Variants in QARS1 observed in about 807,000 individuals in gnomAD.
QARS1 encodes glutaminyl-tRNA synthetase 1.
Under a neutral mutation model 106.9 loss-of-function variants are expected in QARS1, and 79 were observed. That is an observed-to-expected ratio of 0.74 (90% CI 0.62 to 0.89). QARS1 has a LOEUF of 0.89. QARS1 is among the 40% of genes least tolerant of loss of function. The pLI, the probability that QARS1 is intolerant of heterozygous loss-of-function variation, is 0.00. For synonymous variants in QARS1, 395 were observed against 367.7 expected (o/e 1.07, Z -0.85); for missense variants, 966 against 997.2 (o/e 0.97, Z 0.42).
intron 23 of QARS1, among the ~76,000 whole-genome samples, 177 bp downstream of exon 23, chr3:49,097,815 T>C (rs779177375): frequency 6.6e-6 from 1 of 152,114 alleles, no homozygotes; most frequent in Non-Finnish European, 1.5e-5. Context: ...GCAGCCTTCA[T>C]ACAAAATTTT....
Position 49,102,503 on chromosome 3 carries a change from G to C in QARS1, c.517-31C>G, listed in dbSNP as rs774363543. 1.9e-6 allele frequency: 3 copies of C among 1,613,102 alleles called. No individual in the cohort carries two copies. The South Asian group carries it at 3.3e-5, about 18-fold the overall frequency. ...CAGAGACCAGAATCAGGCAGAGGCA[G>C]GAGTATCCTCTTTCAAGGAGCCCCT... On this transcript the variant is annotated intron_variant, in intron 5 of 23. Coordinates refer to ENST00000306125, the MANE Select transcript of QARS1 (RefSeq NM_005051.3).
At position 49,102,841 on chromosome 3, in the gene QARS1, C is replaced by T. The variant is rs150016793; in HGVS notation, c.517-369G>A. On this transcript the variant is annotated intron_variant, in intron 5 of 23. Transcript: ENST00000306125. Reference sequence around the variant, plus strand: ...TACTTTTTGTAGAGATGGGGTTTCACCATGTTGGCCAGGCTGTTCTCAAAC... The same window carrying T: ...TACTTTTTGTAGAGATGGGGTTTCATCATGTTGGCCAGGCTGTTCTCAAAC... The T allele has an allele frequency of 1.5e-3, 524 of 355,078 alleles. 4 individuals carry two copies. Among genetic ancestry groups the T allele is most frequent in the African/African-American group, 0.01 (485 of 47,268 alleles). 22.0% of individuals were successfully genotyped at this position (355,078 alleles called of 1,614,324 possible).
At position 49,099,548 on chromosome 3, in the gene QARS1, C is replaced by CT; in HGVS notation, c.1487dup (p.Arg497GlufsTer17). On this transcript the variant is annotated frameshift_variant, in exon 16 of 24. Coordinates refer to ENST00000306125, the MANE Select transcript of QARS1 (RefSeq NM_005051.3). LOFTEE classifies it high-confidence loss of function. ...TTGCTACAAGCTGGAGGATCTTCCT[C>CT]TTAGAGACAACAGCATAGTGCAGGT... 1 of 1,614,210 alleles carries CT rather than the reference C, an allele frequency of 6.2e-7. No individual in the cohort carries two copies. Among genetic ancestry groups the CT allele is most frequent in the Non-Finnish European group, 8.5e-7 (1 of 1,180,034 alleles).
Position 49,102,214 on chromosome 3 carries a change from C to T in QARS1, c.622G>A (p.Val208Met), listed in dbSNP as rs2107108253. 1 of 1,614,242 alleles carries T rather than the reference C, an allele frequency of 6.2e-7. No individual in the cohort carries two copies. The highest frequency in any genetic ancestry group is 1.1e-5 in the South Asian group (1 of 91,086). ...GTCTCAAGCTTCTCACCATTCTCCA[C>T]CACATCCTTTGCCGTCCTCCGGTCT... ...ETDRRTAKDV[V>M]ENGETADQTL... Residue 208 changes from valine to methionine, a missense_variant, in exon 7 of 24, where the codon GTG becomes ATG. Physicochemically the swap from Val to Met is conservative, Grantham distance 21. Transcript: ENST00000306125.
At chr3:49,101,964 C>T (rs928230395) in intron 7 of QARS1, 65 bp from the exon 8 acceptor site, 1 of 1,520,802 alleles carries the variant, frequency 6.6e-7, no homozygotes, top group Non-Finnish European at 9.0e-7. Context: ...ACAGCCAGAA[C>T]AGAACTGAGT....
intron 2 of QARS1, 47 bp from the exon 3 acceptor site, chr3:49,104,019 G>T: frequency 6.6e-7 from 1 of 1,517,840 alleles, no homozygotes; most frequent in Non-Finnish European, 9.1e-7. Flanking sequence ...GCTCCAAGAA[G>T]TGGACAGACA....
chr3:49,099,070 T>TAC (rs750126991), intron 18 of QARS1, 40 bp downstream of exon 18: 11 of 1,613,718 alleles, frequency 6.8e-6, no homozygotes, highest in South Asian at 1.1e-5. Context: ...TACCCCCAGC[T>TAC]ACACACACAC....
chr3:49,098,323 C>T lies in QARS1; in HGVS notation c.2084+30G>A, dbSNP rs568924851. On this transcript the variant is annotated intron_variant, in intron 21 of 23. Coordinates refer to ENST00000306125, the MANE Select transcript of QARS1 (RefSeq NM_005051.3). ...CATAGCAGGCAATGTGCATCTTGTA[C>T]CTGCCCCCACCCCAGCTCTGTTCAC... 3.7e-5 allele frequency: 59 copies of T among 1,614,188 alleles called. No homozygotes were observed. The East Asian group carries it at 1.3e-3, about 36-fold the overall frequency.
Position 49,100,244 on chromosome 3 carries a change from A to G in QARS1, c.1110T>C (p.Thr370=). 1 of 1,614,248 alleles carries G rather than the reference A, an allele frequency of 6.2e-7. No individual in the cohort carries two copies. Among genetic ancestry groups the G allele is most frequent in the South Asian group, 1.1e-5 (1 of 91,086 alleles). The change falls in exon 13 of 24, where the codon ACT becomes ACC. Residue 370 remains threonine, a synonymous_variant. Coordinates refer to ENST00000306125, the MANE Select transcript of QARS1 (RefSeq NM_005051.3). ...QRGEELKGHN[T]LPSPWRDRPM... ...GACGGTCTCTCCAGGGTGAAGGCAG[A>G]GTATTATGGCCTTTGAGCTCCTCTC... is the stretch of plus-strand genomic sequence containing the variant.
chr3:49,101,507 G>A (rs1012745874), intron 9 of QARS1, 66 bp from the exon 10 acceptor site: 8 of 1,571,814 alleles, frequency 5.1e-6, no homozygotes, highest in African/African-American at 1.4e-5. Context: ...AGAAACAGAT[G>A]TTCCCTCCCA....
intron 7 of QARS1, 54 bp from the exon 8 acceptor site, chr3:49,101,953 T>G: frequency 6.4e-7 from 1 of 1,553,266 alleles, no homozygotes; most frequent in Non-Finnish European, 8.8e-7. Context: ...TACCATATCC[T>G]ACAGCCAGAA....
At chr3:49,098,827 G>T in intron 19 of QARS1, 58 bp downstream of exon 19, 2 of 1,526,212 alleles carry the variant, frequency 1.3e-6, no homozygotes, top group Non-Finnish European at 1.8e-6. Context: ...ATGAGGAGAT[G>T]AAAGGTTCCC....
intron 4 of QARS1, 86 bp from the exon 5 acceptor site, chr3:49,103,495 A>T: frequency 6.3e-7 from 1 of 1,579,422 alleles, no homozygotes; most frequent in Non-Finnish European, 8.7e-7. Context: ...CTGGCTGACC[A>T]CCAGAACCAG....
chr3:49,104,267 G>A (rs2042509131), intron 2 of QARS1, 57 bp downstream of exon 2: 1 of 1,600,276 alleles, frequency 6.2e-7, no homozygotes, highest in Middle Eastern at 1.7e-4. Context: ...GGGAAGACAG[G>A]GGTCTTGGCT....
chr3:49,099,866 G>A lies in QARS1; in HGVS notation c.1296-13C>T, dbSNP rs2042444228. 2 of 1,613,958 alleles carry A rather than the reference G, an allele frequency of 1.2e-6. No individual in the cohort carries two copies. The highest frequency in any genetic ancestry group is 8.5e-7 in the Non-Finnish European group (1 of 1,179,924). On this transcript the variant is annotated splice_polypyrimidine_tract_variant and intron_variant, in intron 14 of 23. Transcript: ENST00000306125. ...GGGATAGATGCACCTGTGGGGCATA[G>A]GCAGTGGGCCCTACCATCCAGCCCT...
In QARS1 at chr3:49,095,981, G is replaced by C; in HGVS notation, c.*48C>G. On this transcript the variant is annotated 3_prime_UTR_variant, in exon 24 of 24. Coordinates refer to ENST00000306125, the MANE Select transcript of QARS1 (RefSeq NM_005051.3). ...ATTGACATGGAATTTGGGGTGGCGA[G>C]GGTAGCCACACCCTCCAGGAGGATG... The C allele has an allele frequency of 1.9e-6, 3 of 1,581,182 alleles. No homozygotes were observed. Among genetic ancestry groups the C allele is most frequent in the Non-Finnish European group, 2.6e-6 (3 of 1,153,152 alleles).
chr3:49,101,319 T>A (rs755419975), intron 10 of QARS1, 36 bp downstream of exon 10: 1 of 1,480,840 alleles, frequency 6.8e-7, no homozygotes, highest in Non-Finnish European at 9.4e-7. Flanking sequence ...CAGCAAGTGG[T>A]CATCTTGCTT....
chr3:49,099,536 G>C lies in QARS1; in HGVS notation c.1500C>G (p.Leu500=). The part of the protein sequence containing the change: ...HYAVVSKRKI[L]QLVATGAVRD... ...GCACAGCACCAGTTGCTACAAGCTG[G>C]AGGATCTTCCTCTTAGAGACAACAG... is the stretch of plus-strand genomic sequence containing the variant. Residue 500 remains leucine, a synonymous_variant, in exon 16 of 24, where the codon CTC becomes CTG. Transcript: ENST00000306125. 3 of 1,614,208 alleles carry C rather than the reference G, an allele frequency of 1.9e-6. No individual in the cohort carries two copies. The highest frequency in any genetic ancestry group is 2.5e-6 in the Non-Finnish European group (3 of 1,180,036).
At chr3:49,102,115 C>T in intron 7 of QARS1, 90 bp downstream of exon 7, 1 of 1,540,096 alleles carries the variant, frequency 6.5e-7, no homozygotes. Flanking sequence ...ACTGAGTAAG[C>T]CAAGGGCCTG....
Sources: gnomAD v4.1 joint callset for allele counts (sites outside exome capture counted in the v4.1 genomes callset) on GRCh38, gnomAD v4.1.1 for gene constraint, MANE v1.5 for transcripts, NCBI Gene and HGNC (gene_info 2026-07-23, HGNC 2026-07-21) for gene names.